Variants in FRMD3 observed in about 807,000 individuals in gnomAD.
FRMD3 encodes the protein FERM domain-containing protein 3.
In FRMD3, 33 loss-of-function variants were observed where a neutral mutation model predicts 70.2. The observed-to-expected ratio is 0.47, with a 90% CI of 0.36 to 0.63. FRMD3 has a LOEUF of 0.63. FRMD3 is among the 20% of genes least tolerant of loss of function. The pLI is 0.00. For synonymous variants in FRMD3, 279 were observed against 255.9 expected (o/e 1.09, Z -0.86); for missense variants, 632 against 711.4 (o/e 0.89, Z 1.27).
At chr9:83,266,002 A>G (rs541357582) in intron 13 of FRMD3, among the ~76,000 whole-genome samples, 2 of 152,362 alleles carry the variant, frequency 1.3e-5, no homozygotes, top group East Asian at 3.9e-4. Flanking sequence ...TGATATCTTT[A>G]TATTACCTAA....
At chr9:83,455,156 T>A (rs1827781967) in intron 1 of FRMD3, among the ~76,000 whole-genome samples, 1 of 152,196 alleles carries the variant, frequency 6.6e-6, no homozygotes, top group Non-Finnish European at 1.5e-5. Flanking sequence ...CCCTCTTGAA[T>A]TCCATATCCT....
At chr9:83,343,399 A>G (rs1275242590) in intron 4 of FRMD3, 112 bp from the exon 5 acceptor site, 3 of 705,468 alleles carry the variant, frequency 4.3e-6, no homozygotes, top group South Asian at 1.7e-5. Flanking sequence ...AGCTCTAGAG[A>G]CTGGCTTAGA....
chr9:83,434,206 T>C (rs1827064442), intron 1 of FRMD3, among the ~76,000 whole-genome samples: 1 of 152,254 alleles, frequency 6.6e-6, no homozygotes, highest in Admixed American at 6.5e-5. Flanking sequence ...CCTTGACCAC[T>C]GGACTCTCAG....
upstream of FRMD3, among the ~76,000 whole-genome samples, chr9:83,541,329 T>C (rs1031528688): frequency 2.6e-5 from 4 of 152,252 alleles, no homozygotes; most frequent in Admixed American, 1.3e-4. Context: ...CCAATGACTC[T>C]GGTTTCAATG....
intron 1 of FRMD3, among the ~76,000 whole-genome samples, chr9:83,464,438 C>T (rs776531792): frequency 9.9e-5 from 15 of 152,224 alleles, no homozygotes; most frequent in Middle Eastern, 3.4e-3. Flanking sequence ...AGATGGTGGA[C>T]GATGGTAAGG....
intron 6 of FRMD3, among the ~76,000 whole-genome samples, chr9:83,329,982 A>G (rs1836189807): frequency 6.6e-6 from 1 of 152,118 alleles, no homozygotes; most frequent in South Asian, 2.1e-4. Context: ...CCTTCCGAGC[A>G]CCCTCAGGAC....
the FRMD3 span, among the ~76,000 whole-genome samples, chr9:83,544,423 C>T: frequency 1.3e-5 from 2 of 152,158 alleles, no homozygotes; most frequent in African/African-American, 4.8e-5. Context: ...TCAGCTTTGG[C>T]CACTCCCCAA....
chr9:83,325,589 T>A (rs1415292596), intron 6 of FRMD3, among the ~76,000 whole-genome samples: 1 of 152,188 alleles, frequency 6.6e-6, no homozygotes, highest in Non-Finnish European at 1.5e-5. Flanking sequence ...CCTCCCAAAG[T>A]GCAAAGATTA....
chr9:83,509,170 A>G (rs1372218866), intron 1 of FRMD3, among the ~76,000 whole-genome samples: 2 of 152,190 alleles, frequency 1.3e-5, no homozygotes, highest in Non-Finnish European at 2.9e-5. Flanking sequence ...TAGCACCTCA[A>G]GCAGTGCCTA....
At chr9:83,445,383 C>T (rs372696232) in intron 1 of FRMD3, among the ~76,000 whole-genome samples, 30 of 95,506 alleles carry the variant, frequency 3.1e-4, no homozygotes, top group South Asian at 1.1e-3. Flanking sequence ...GATAGATAGA[C>T]AGATAGATAA....
chr9:83,307,491 A>G (rs1038857033), intron 10 of FRMD3, among the ~76,000 whole-genome samples: 1 of 152,254 alleles, frequency 6.6e-6, no homozygotes, highest in Admixed American at 6.5e-5. Context: ...AAACAGGAAT[A>G]AAGTACTGAG....
At chr9:83,448,800 A>C (rs1827555368) in intron 1 of FRMD3, among the ~76,000 whole-genome samples, 1 of 152,212 alleles carries the variant, frequency 6.6e-6, no homozygotes, top group South Asian at 2.1e-4. Context: ...CCTTGGCAGC[A>C]GTGGGGAGAG....
chr9:83,261,814 T>C (rs1274296400), intron 13 of FRMD3, among the ~76,000 whole-genome samples: 1 of 152,216 alleles, frequency 6.6e-6, no homozygotes, highest in African/African-American at 2.4e-5. Context: ...TGAAGTCACC[T>C]TTCTGGGTTC....
intron 6 of FRMD3, among the ~76,000 whole-genome samples, chr9:83,325,994 T>C (rs912110827): frequency 6.6e-6 from 1 of 152,184 alleles, no homozygotes; most frequent in Non-Finnish European, 1.5e-5. Flanking sequence ...ACAACAGTAG[T>C]AGTTGCAATG....
chr9:83,423,073 A>G (rs71498496), intron 1 of FRMD3, among the ~76,000 whole-genome samples: 17 of 152,358 alleles, frequency 1.1e-4, no homozygotes, highest in Non-Finnish European at 1.8e-4. Flanking sequence ...AGTAAAGCCA[A>G]TAAAAAAGCA....
At chr9:83,298,842 A>T in intron 11 of FRMD3, 26 bp from the exon 12 acceptor site, 1 of 1,603,056 alleles carries the variant, frequency 6.2e-7, no homozygotes, top group Non-Finnish European at 8.5e-7. Context: ...ACACATGTGT[A>T]TGCACACATA....
At position 83,489,913 on chromosome 9, in the gene FRMD3, C is replaced by T. The variant is rs147961793; in HGVS notation, c.147+48172G>A. ...CTTTTGTTCAGCCTCGAAGGTCACACACACTCAGTAGGCCAGGTCACTGAG... is the reference window on the plus strand; with the variant it reads ...CTTTTGTTCAGCCTCGAAGGTCACATACACTCAGTAGGCCAGGTCACTGAG... On this transcript the variant is annotated intron_variant, in intron 1 of 13. Coordinates refer to ENST00000304195, the MANE Select transcript of FRMD3 (RefSeq NM_174938.6). Among the ~76,000 whole-genome samples, 662 of 152,330 alleles carry T rather than the reference C, an allele frequency of 4.3e-3. 6 individuals carry two copies. Among genetic ancestry groups the T allele is most frequent in the Middle Eastern group, 0.031 (9 of 294 alleles).
At chr9:83,289,248 AG>A (rs1231985264) in intron 13 of FRMD3, among the ~76,000 whole-genome samples, 6 of 152,246 alleles carry the variant, frequency 3.9e-5, no homozygotes, top group Non-Finnish European at 1.5e-5. Context: ...ATGGACCCAG[AG>A]GCCCTTAGGC....
chr9:83,485,837 G>C (rs1382617006), intron 1 of FRMD3, among the ~76,000 whole-genome samples: 1 of 152,016 alleles, frequency 6.6e-6, no homozygotes, highest in Non-Finnish European at 1.5e-5. Context: ...TTGCTTATCT[G>C]TAAAAATTAG....
Sources: allele counts gnomAD v4.1 joint callset (sites outside exome capture counted in the v4.1 genomes callset), GRCh38; gene constraint gnomAD v4.1.1; transcripts MANE v1.5; gene names NCBI Gene and HGNC (gene_info 2026-07-23, HGNC 2026-07-21).